Variants in ACTL6B observed in about 807,000 individuals in gnomAD.
The protein encoded by ACTL6B is actin-like protein 6B.
A neutral mutation model predicts 63.3 loss-of-function variants in ACTL6B; 48 were observed. The observed-to-expected ratio is 0.76, with a 90% CI of 0.60 to 0.96. The LOEUF (loss-of-function observed/expected upper bound fraction) is 0.96. ACTL6B is among the 50% of genes least tolerant of loss of function. The pLI is 0.00. For synonymous variants in ACTL6B, 230 were observed against 223.8 expected, an observed-to-expected ratio of 1.03 and a Z score of -0.25; for missense variants, 350 against 572.2, an observed-to-expected ratio of 0.61 and a Z score of 3.96.
intron 4 of ACTL6B, among the ~76,000 whole-genome samples, chr7:100,651,101 C>T (rs1050633938): frequency 5.9e-5 from 9 of 151,934 alleles, no homozygotes; most frequent in Non-Finnish European, 1.2e-4. Flanking sequence ...TAAATGGCAA[C>T]GATATATGCT....
In ACTL6B at chr7:100,655,742, T is replaced by G; in HGVS notation, c.102+61A>C. The G allele has an allele frequency of 6.5e-7, 1 of 1,536,236 alleles. No individual in the cohort carries two copies. Among genetic ancestry groups the G allele is most frequent in the South Asian group, 1.2e-5 (1 of 82,890 alleles). ...GCGATCTGGGAGAGCCCTGGGTCACTGGAAAGCCTGAAGAAGGGTCCGAAG... is the reference window on the plus strand; with the variant it reads ...GCGATCTGGGAGAGCCCTGGGTCACGGGAAAGCCTGAAGAAGGGTCCGAAG... On this transcript the variant is annotated intron_variant, in intron 2 of 13. Coordinates refer to ENST00000160382, the MANE Select transcript of ACTL6B (RefSeq NM_016188.5). The surrounding 1 kb of genome is among the most constrained non-coding windows in gnomAD (Gnocchi z 4.4).
intron 4 of ACTL6B, among the ~76,000 whole-genome samples, chr7:100,653,536 G>A (rs1057146452): frequency 2.6e-4 from 40 of 152,226 alleles, no homozygotes; most frequent in African/African-American, 9.6e-4. Context: ...TGTAGTTCCA[G>A]CTACTCTGGA....
chr7:100,645,870 G>A (rs558455765), intron 13 of ACTL6B, among the ~76,000 whole-genome samples: 2 of 152,266 alleles, frequency 1.3e-5, no homozygotes, highest in African/African-American at 4.8e-5. Context: ...GAGCTCAAGT[G>A]ATCCACCCGT....
intron 13 of ACTL6B, among the ~76,000 whole-genome samples, chr7:100,645,333 G>C (rs1034324098): frequency 6.6e-6 from 1 of 151,946 alleles, no homozygotes. Flanking sequence ...ACCACCTCCT[G>C]CCCCAGAACC....
intron 4 of ACTL6B, among the ~76,000 whole-genome samples, chr7:100,653,537 C>A (rs560282026): frequency 6.6e-6 from 1 of 152,242 alleles, no homozygotes; most frequent in South Asian, 2.1e-4. Context: ...GTAGTTCCAG[C>A]TACTCTGGAG....
intron 4 of ACTL6B, among the ~76,000 whole-genome samples, chr7:100,651,795 G>A (rs576011946): frequency 6.6e-6 from 1 of 151,954 alleles, no homozygotes; most frequent in African/African-American, 2.4e-5. Flanking sequence ...TATTGCCCAG[G>A]CTGGTCTCAA....
Position 100,646,234 on chromosome 7 carries a change from TC to T in ACTL6B, c.1200+14del. On this transcript the variant is annotated intron_variant, in intron 13 of 13. Transcript: ENST00000160382. The surrounding 1 kb of genome is among the most constrained non-coding windows in gnomAD (Gnocchi z 6.1). ...CCCCCACAGTCAGTGCTAGGCCAGG[TC>T]CCTTTCCTCTCACCAGTGAGGCCAG... 1 of 1,612,150 alleles carries T rather than the reference TC, an allele frequency of 6.2e-7. No individual in the cohort carries two copies. The highest frequency in any genetic ancestry group is 8.5e-7 in the Non-Finnish European group (1 of 1,178,692).
At chr7:100,645,382 C>T (rs1803801927) in intron 13 of ACTL6B, among the ~76,000 whole-genome samples, 1 of 152,146 alleles carries the variant, frequency 6.6e-6, no homozygotes, top group Non-Finnish European at 1.5e-5. Flanking sequence ...CCTTGCTGTC[C>T]ACCCCATCCC....
chr7:100,643,384 C>G (rs928274179), intron 13 of ACTL6B, 58 bp from the exon 14 acceptor site: 21 of 1,575,650 alleles, frequency 1.3e-5, no homozygotes, highest in South Asian at 2.2e-5. Context: ...TGTGGACAGG[C>G]AGGTGCAGCC....
In ACTL6B at chr7:100,647,538, G is replaced by T. The variant is rs754846041; in HGVS notation, c.670-5C>A. On this transcript the variant is annotated splice_region_variant and splice_polypyrimidine_tract_variant and intron_variant, in intron 7 of 13. Coordinates refer to ENST00000160382, the MANE Select transcript of ACTL6B (RefSeq NM_016188.5). The surrounding 1 kb of genome is among the most constrained non-coding windows in gnomAD (Gnocchi z 4.4). ...GGCACCCTCCCGGACAGGCTCCTGTGGGGGCACAGTGTAGGAACACCCTTT... is the reference window on the plus strand; with the variant it reads ...GGCACCCTCCCGGACAGGCTCCTGTTGGGGCACAGTGTAGGAACACCCTTT... The T allele has an allele frequency of 6.3e-7, 1 of 1,589,052 alleles. No homozygotes were observed. Among genetic ancestry groups the T allele is most frequent in the Non-Finnish European group, 8.6e-7 (1 of 1,167,720 alleles).
In ACTL6B at chr7:100,648,404, G is replaced by A. The variant is rs1562848857; in HGVS notation, c.669+152C>T. ...ATATCCCTCAGCCTGTCTGGATTTCGGATGCCTCGATTATAAAAGGAGGAA... is the reference window on the plus strand; with the variant it reads ...ATATCCCTCAGCCTGTCTGGATTTCAGATGCCTCGATTATAAAAGGAGGAA... On this transcript the variant is annotated intron_variant, in intron 7 of 13. Coordinates refer to ENST00000160382, the MANE Select transcript of ACTL6B (RefSeq NM_016188.5). This position sits in a 1 kb window ranked among gnomAD's most constrained non-coding sequence, Gnocchi z 4.4. 3 of 653,618 alleles carry A rather than the reference G, an allele frequency of 4.6e-6. No homozygotes were observed. Among genetic ancestry groups the A allele is most frequent in the Non-Finnish European group, 7.6e-6 (3 of 396,756 alleles). 40.5% of individuals were successfully genotyped at this position (653,618 alleles called of 1,614,324 possible). A position where few individuals can be genotyped will look rare whatever the true frequency, so the allele number is the denominator to read the frequency against.
intron 4 of ACTL6B, 75 bp from the exon 5 acceptor site, chr7:100,650,210 C>T (rs1803911645): frequency 1.6e-6 from 2 of 1,223,586 alleles, no homozygotes; most frequent in Admixed American, 1.8e-5. Context: ...ACGCAACCCA[C>T]TCACTCACAC....
rs1803875232 is a variant in ACTL6B at position 100,648,844 on chromosome 7, C to G, written c.468-21G>C. ...CAAAGCTGGCATCGGATGGGTAAGT[C>G]AAAGAGACAGCAGCAGCAAGTGAGG... On this transcript the variant is annotated intron_variant, in intron 5 of 13. Transcript: ENST00000160382. This position sits in a 1 kb window ranked among gnomAD's most constrained non-coding sequence, Gnocchi z 4.4. The G allele has an allele frequency of 1.9e-6, 3 of 1,607,564 alleles. No homozygotes were observed. The highest frequency in any genetic ancestry group is 2.5e-6 in the Non-Finnish European group (3 of 1,176,710).
In ACTL6B at chr7:100,655,521, C is replaced by G. The variant is rs752254252; in HGVS notation, c.168G>C (p.Gly56=). The G allele has an allele frequency of 5.6e-6, 9 of 1,614,130 alleles. No homozygotes were observed. The highest frequency in any genetic ancestry group is 7.6e-6 in the Non-Finnish European group (9 of 1,179,994). Residue 56 remains glycine, a synonymous_variant, in exon 3 of 14, where the codon GGG becomes GGC. Transcript: ENST00000160382. This position sits in a 1 kb window ranked among gnomAD's most constrained non-coding sequence, Gnocchi z 4.4. ...AGATCTTCCCTTTCTTCTCTTTGTCCCCCTCCAGCTCCAGCCCGCCCCCCT... is the reference window on the plus strand; with the variant it reads ...AGATCTTCCCTTTCTTCTCTTTGTCGCCCTCCAGCTCCAGCCCGCCCCCCT... ...AEEGGGLELE[G]DKEKKGKIFH... is the part of the protein sequence containing the mutation.
intron 4 of ACTL6B, among the ~76,000 whole-genome samples, chr7:100,654,586 G>C (rs1804002567): frequency 6.6e-6 from 1 of 151,688 alleles, no homozygotes. Flanking sequence ...TTCGAGACCA[G>C]CCTGGCCAAC....
At chr7:100,654,754 G>A (rs561986540) in intron 4 of ACTL6B, among the ~76,000 whole-genome samples, 19 of 151,180 alleles carry the variant, frequency 1.3e-4, no homozygotes, top group African/African-American at 4.8e-5. Flanking sequence ...CCTGGGTGAC[G>A]GAGTGAGACT....
In ACTL6B at chr7:100,646,426, G is replaced by A; in HGVS notation, c.1114-91C>T. 6.4e-7 allele frequency: 1 copy of A among 1,553,078 alleles called. No individual in the cohort carries two copies. Among genetic ancestry groups the A allele is most frequent in the Non-Finnish European group, 8.8e-7 (1 of 1,130,112 alleles). On this transcript the variant is annotated intron_variant, in intron 12 of 13. Coordinates refer to ENST00000160382, the MANE Select transcript of ACTL6B (RefSeq NM_016188.5). This position sits in a 1 kb window ranked among gnomAD's most constrained non-coding sequence, Gnocchi z 6.1. Reference sequence around the variant, plus strand: ...AGAGGGGAAGACTTGGGAAGCCACAGGGGCAGGGGTTCTGCTCTGGTGGCC... The same window carrying A: ...AGAGGGGAAGACTTGGGAAGCCACAAGGGCAGGGGTTCTGCTCTGGTGGCC...
rs118011274 is a variant in ACTL6B at position 100,647,656 on chromosome 7, G to C, written c.670-123C>G. On this transcript the variant is annotated intron_variant, in intron 7 of 13. Coordinates refer to ENST00000160382, the MANE Select transcript of ACTL6B (RefSeq NM_016188.5). This position sits in a 1 kb window ranked among gnomAD's most constrained non-coding sequence, Gnocchi z 4.4. ...GCAGGCTCTGCTGTGCTGCCTGCAA[G>C]AGGGGTTTCTCACCCTTCCCTGATG... 842 of 704,698 alleles carry C rather than the reference G, an allele frequency of 1.2e-3. 16 individuals carry two copies. The East Asian group carries it at 0.019, about 16-fold the overall frequency. 43.7% of individuals were successfully genotyped at this position (704,698 alleles called of 1,614,324 possible).
chr7:100,655,933 G>T lies in ACTL6B; in HGVS notation c.26-54C>A, dbSNP rs1442133168. The T allele has an allele frequency of 6.6e-6, 10 of 1,516,534 alleles. No individual in the cohort carries two copies. Among genetic ancestry groups the T allele is most frequent in the Non-Finnish European group, 8.9e-6 (10 of 1,122,954 alleles). 93.9% of individuals were successfully genotyped at this position (1,516,534 alleles called of 1,614,324 possible). A position where few individuals can be genotyped will look rare whatever the true frequency, so the allele number is the denominator to read the frequency against. Reference sequence around the variant, plus strand: ...ACCTCCCCCGAACTCTCTCCCGCTAGGTAGCTCCGAGAGAAAGTCAGGGCA... The same window carrying T: ...ACCTCCCCCGAACTCTCTCCCGCTATGTAGCTCCGAGAGAAAGTCAGGGCA... On this transcript the variant is annotated intron_variant, in intron 1 of 13. Transcript: ENST00000160382. This position sits in a 1 kb window ranked among gnomAD's most constrained non-coding sequence, Gnocchi z 4.4.
Sources: gnomAD v4.1 joint callset for allele counts (sites outside exome capture counted in the v4.1 genomes callset) on GRCh38, gnomAD v4.1.1 for gene constraint, Gnocchi (gnomAD v3.1) non-coding constraint, MANE v1.5 for transcripts, NCBI Gene and HGNC (gene_info 2026-07-23, HGNC 2026-07-21) for gene names.